The following ADAMTS20 variants were observed in gnomAD, a reference collection of about 807,000 sequenced individuals.
The protein encoded by ADAMTS20 is A disintegrin and metalloproteinase with thrombospondin motifs 20.
ADAMTS20 carries 225 observed loss-of-function variants against 260.1 expected under a neutral mutation model. The ratio of observed to expected loss-of-function variants is 0.87; its 90% CI spans 0.78 to 0.97. The LOEUF is 0.97. Among genes scored for constraint, ADAMTS20 ranks in the 50% least tolerant of loss-of-function variants. The probability of loss-of-function intolerance (pLI) is 0.00; values close to 1 mark genes in which losing one functional copy is unlikely to be tolerated. For missense variants in ADAMTS20, 2,400 were observed against 2,337.7 expected (o/e 1.03, Z -0.55); for synonymous variants, 802 against 769.5 (o/e 1.04, Z -0.70).
At chr12:43,372,263 G>A (rs532088811) in intron 36 of ADAMTS20, among the ~76,000 whole-genome samples, 2 of 152,158 alleles carry the variant, frequency 1.3e-5, no homozygotes, top group South Asian at 2.1e-4. Flanking sequence ...TTGCCAAGTC[G>A]AGAAACAGTG....
At chr12:43,490,226 T>C (rs994139916) in intron 7 of ADAMTS20, among the ~76,000 whole-genome samples, 169 bp downstream of exon 7, 7 of 152,030 alleles carry the variant, frequency 4.6e-5, no homozygotes, top group Non-Finnish European at 8.8e-5. Context: ...TCTTATCATT[T>C]TGTAAAATTT....
chr12:43,380,280 G>A (rs1270893681), intron 31 of ADAMTS20, among the ~76,000 whole-genome samples: 1 of 151,968 alleles, frequency 6.6e-6, no homozygotes. Flanking sequence ...GGACTAGAAG[G>A]GTACTTCTTC....
chr12:43,452,205 ATATAAATCGAAAAAAAACAT>A (rs1246127404), intron 14 of ADAMTS20, 49 bp downstream of exon 14: 1 of 1,452,692 alleles, frequency 6.9e-7, no homozygotes, highest in African/African-American at 1.4e-5. Context: ...ATATTTGGTT[ATATAAATCGAAAAAAAACAT>A]TATTCTTAAA....
chr12:43,407,320 A>G (rs1940938097), intron 28 of ADAMTS20, among the ~76,000 whole-genome samples: 1 of 151,682 alleles, frequency 6.6e-6, no homozygotes, highest in Admixed American at 6.6e-5. Flanking sequence ...TTAAATTAAT[A>G]TCATTGTAAT....
chr12:43,524,227 A>G (rs1943111151), intron 3 of ADAMTS20, among the ~76,000 whole-genome samples: 1 of 23,358 alleles, frequency 4.3e-5, no homozygotes, highest in Non-Finnish European at 8.6e-5. Flanking sequence ...TGAGAAAGCT[A>G]TCGCTCTCTA....
intron 28 of ADAMTS20, among the ~76,000 whole-genome samples, chr12:43,415,666 A>T (rs1225089690): frequency 6.6e-6 from 1 of 152,222 alleles, no homozygotes; most frequent in Non-Finnish European, 1.5e-5. Context: ...ATGCTAAGTA[A>T]CTTGGCAAAG....
chr12:43,396,860 C>T (rs1940715204), intron 29 of ADAMTS20, among the ~76,000 whole-genome samples: 1 of 152,130 alleles, frequency 6.6e-6, no homozygotes, highest in African/African-American at 2.4e-5. Flanking sequence ...GCAGCAGCTG[C>T]ACCGCAGCAA....
intron 4 of ADAMTS20, among the ~76,000 whole-genome samples, chr12:43,494,666 G>C (rs1942651261): frequency 6.6e-6 from 1 of 152,108 alleles, no homozygotes; most frequent in Non-Finnish European, 1.5e-5. Context: ...CAGCTGATTG[G>C]TGATTTCAAG....
In ADAMTS20 at chr12:43,381,951, T is replaced by C. The variant is rs147322706; in HGVS notation, c.4797+1607A>G. ...CATTTCATACATACTAGGATGGTTA[T>C]GTTAAAAAAAAGATGGATTATAACA... On this transcript the variant is annotated intron_variant, in intron 31 of 38. Transcript: ENST00000389420. Among the ~76,000 whole-genome samples the C allele has an allele frequency of 2.8e-3, 423 of 152,220 alleles. 2 individuals carry two copies. Among genetic ancestry groups the C allele is most frequent in the Non-Finnish European group, 4.5e-3 (305 of 68,006 alleles).
At chr12:43,525,897 G>C (rs946133622) in intron 3 of ADAMTS20, among the ~76,000 whole-genome samples, 1 of 152,128 alleles carries the variant, frequency 6.6e-6, no homozygotes, top group South Asian at 2.1e-4. Context: ...TACTAGACCT[G>C]AGAAATGAGA....
chr12:43,447,033 C>T (rs112005698), intron 14 of ADAMTS20, among the ~76,000 whole-genome samples: 4 of 151,840 alleles, frequency 2.6e-5, no homozygotes, highest in Admixed American at 1.3e-4. Context: ...CAGGATCACA[C>T]GATTCCCAGC....
At chr12:43,514,151 T>C (rs1942964283) in intron 3 of ADAMTS20, among the ~76,000 whole-genome samples, 1 of 149,468 alleles carries the variant, frequency 6.7e-6, no homozygotes, top group Non-Finnish European at 1.5e-5. Context: ...TTTCTTTCAC[T>C]ATATTGACCA....
intron 36 of ADAMTS20, among the ~76,000 whole-genome samples, chr12:43,373,297 A>G (rs1306097102): frequency 6.6e-6 from 1 of 152,244 alleles, no homozygotes; most frequent in African/African-American, 2.4e-5. Flanking sequence ...AGTCTAGTTA[A>G]CAGCAAATAA....
rs552606203 is a variant in ADAMTS20, at chr12:43,477,647, CTCTT to C, written c.1118-8946_1118-8943del. ...TATGCACTCTCTCTCTCTTCTTTGT[CTCTT>C]TCTTTCTCTCTCTCTCTCTCAATAC... On this transcript the variant is annotated intron_variant, in intron 7 of 38. Transcript: ENST00000389420. 2.5e-3 allele frequency among the ~76,000 whole-genome samples: 388 copies of C among 152,290 alleles called. 2 individuals are homozygous for C. The highest frequency in any genetic ancestry group is 8.8e-3 in the African/African-American group (364 of 41,562).
In ADAMTS20 at chr12:43,440,055, C is replaced by T. The variant is rs1323030658; in HGVS notation, c.2305G>A (p.Glu769Lys). Residue 769 changes from glutamate to lysine, a missense_variant, in exon 17 of 39, where the codon GAA becomes AAA. Glu to Lys is a moderately conservative substitution (Grantham distance 56). Transcript: ENST00000389420. The stretch of plus-strand genomic sequence containing the variant: ...TTTCCATTGAAAAGAAAATTCCCTT[C>T]AGCGTCAGATAATGCTGTAAAAGAA... The part of the protein sequence containing the change: ...DDSYLALSDA[E>K]GNFLFNGNFL... 59 of 1,555,128 alleles carry T rather than the reference C, an allele frequency of 3.8e-5. No homozygotes were observed. The highest frequency in any genetic ancestry group is 5.0e-5 in the Non-Finnish European group (58 of 1,149,226).
intron 37 of ADAMTS20, among the ~76,000 whole-genome samples, chr12:43,367,408 G>A (rs1396364361): frequency 6.6e-6 from 1 of 152,014 alleles, no homozygotes; most frequent in Non-Finnish European, 1.5e-5. Flanking sequence ...ATAAATCAGT[G>A]TGGTAACACT....
rs1391432062 is a variant in ADAMTS20 at position 43,475,867 on chromosome 12, G to A, written c.1118-7162C>T. Among the ~76,000 whole-genome samples, 929 of 131,332 alleles carry A rather than the reference G, an allele frequency of 7.1e-3. 16 individuals carry two copies. Among genetic ancestry groups the A allele is most frequent in the African/African-American group, 0.025 (851 of 34,430 alleles). The allele number at this position is 131,332 out of a possible 152,430, so 86.2% of individuals were successfully genotyped here. On this transcript the variant is annotated intron_variant, in intron 7 of 38. Coordinates refer to ENST00000389420, the MANE Select transcript of ADAMTS20 (RefSeq NM_025003.5). ...TTTAAGATGGATTAAAGATTTAAAC[G>A]TTAGACCTAAAACCATAAAAACCCT...
rs3031172 is a variant in ADAMTS20, at chr12:43,404,178, GACACACACAC to G, written c.4285-4955_4285-4946del. Reference sequence around the variant, plus strand: ...CTGCTGAGAACAGACATATTGTGGGGACACACACACACACACACACACACACACACACACA... The same window carrying G: ...CTGCTGAGAACAGACATATTGTGGGGACACACACACACACACACACACACA... On this transcript the variant is annotated intron_variant, in intron 28 of 38. Coordinates refer to ENST00000389420, the MANE Select transcript of ADAMTS20 (RefSeq NM_025003.5). 1.6e-3 allele frequency among the ~76,000 whole-genome samples: 233 copies of G among 146,004 alleles called. 2 individuals carry two copies. The highest frequency in any genetic ancestry group is 1.7e-3 in the Admixed American group (25 of 14,546).
intron 14 of ADAMTS20, among the ~76,000 whole-genome samples, chr12:43,449,320 T>C (rs1190972409): frequency 6.6e-6 from 1 of 152,062 alleles, no homozygotes; most frequent in Admixed American, 6.5e-5. Flanking sequence ...AAGAATAAAA[T>C]GACGTCTTTT....
Sources: gnomAD v4.1 joint callset for allele counts (sites outside exome capture counted in the v4.1 genomes callset) on GRCh38, gnomAD v4.1.1 for gene constraint, MANE v1.5 for transcripts, NCBI Gene and HGNC (gene_info 2026-07-23, HGNC 2026-07-21) for gene names.